The following CDH18 variants were observed in gnomAD, a reference collection of about 807,000 sequenced individuals.
The protein encoded by CDH18 is cadherin-18.
CDH18 carries 31 observed loss-of-function variants against 67.9 expected under a neutral mutation model. That is an observed-to-expected ratio of 0.46 (90% CI 0.34 to 0.62). CDH18 has a LOEUF of 0.62. Among genes scored for constraint, CDH18 ranks in the 20% least tolerant of loss-of-function variants. CDH18 has a pLI of 0.01. For missense variants in CDH18, 890 were observed against 975.5 expected (o/e 0.91, Z 1.17); for synonymous variants, 362 against 347.2 (o/e 1.04, Z -0.48).
intron 2 of CDH18, among the ~76,000 whole-genome samples, chr5:20,202,590 A>G (rs778247721): frequency 1.3e-5 from 2 of 152,094 alleles, no homozygotes; most frequent in Non-Finnish European, 2.9e-5. Flanking sequence ...GAGAAATAAC[A>G]TGTTGCCCAA....
Position 19,473,410 on chromosome 5 carries a change from G to A in CDH18, c.2189C>T (p.Pro730Leu), listed in dbSNP as rs773516015. ...ATAAGTCTGAAGAGAGTCATAAGGG[G>A]GAACGCTAGGGTCTAGGTCTGCTTC... ...LAEADLDPSV[P>L]PYDSLQTYAY... is the part of the protein sequence containing the mutation. Residue 730 changes from proline to leucine, a missense_variant, in exon 13 of 13, where the codon CCC becomes CTC. Physicochemically the swap from Pro to Leu is moderately conservative, Grantham distance 98. Coordinates refer to ENST00000382275, the MANE Select transcript of CDH18 (RefSeq NM_004934.5). 28 of 1,613,594 alleles carry A rather than the reference G, an allele frequency of 1.7e-5. No homozygotes were observed. Among genetic ancestry groups the A allele is most frequent in the Middle Eastern group, 1.6e-4 (1 of 6,084 alleles).
At chr5:19,479,889 A>C (rs539364142) in intron 12 of CDH18, among the ~76,000 whole-genome samples, 1 of 152,312 alleles carries the variant, frequency 6.6e-6, no homozygotes, top group East Asian at 1.9e-4. Flanking sequence ...GGATATAATA[A>C]AATTTACAAA....
rs201920688 is a variant in CDH18, at chr5:19,849,640, G to A, written c.-256-10398C>T. ...TATATATATAAACATATATATACACGCATATATATATAAACATATATATAT... is the reference window on the plus strand; with the variant it reads ...TATATATATAAACATATATATACACACATATATATATAAACATATATATAT... On this transcript the variant is annotated intron_variant, in intron 2 of 12. Transcript: ENST00000382275. Among the ~76,000 whole-genome samples the A allele has an allele frequency of 3.2e-3, 69 of 21,810 alleles. 1 individual carries two copies. Among genetic ancestry groups the A allele is most frequent in the South Asian group, 4.9e-3 (2 of 406 alleles). The allele number at this position is 21,810 out of a possible 152,430, so 14.3% of individuals were successfully genotyped here. A position where few individuals can be genotyped will look rare whatever the true frequency, so the allele number is the denominator to read the frequency against.
At chr5:20,546,743 A>C (rs945681813) in intron 1 of CDH18, among the ~76,000 whole-genome samples, 1 of 109,102 alleles carries the variant, frequency 9.2e-6, no homozygotes, top group Non-Finnish European at 1.9e-5. Flanking sequence ...TATCACATAC[A>C]TACATAGACA....
intron 2 of CDH18, among the ~76,000 whole-genome samples, chr5:19,974,009 T>C (rs149626323): frequency 6.6e-6 from 1 of 152,238 alleles, no homozygotes; most frequent in East Asian, 1.9e-4. Flanking sequence ...CCAAATGAAA[T>C]AAATCATTAT....
At chr5:19,847,253 CT>C (rs1240044408) in intron 2 of CDH18, among the ~76,000 whole-genome samples, 3 of 152,012 alleles carry the variant, frequency 2.0e-5, no homozygotes, top group South Asian at 2.1e-4. Flanking sequence ...TTATTGGAAT[CT>C]CACAATGTGC....
At chr5:19,997,235 C>G (rs2150395814) in intron 2 of CDH18, among the ~76,000 whole-genome samples, 1 of 152,096 alleles carries the variant, frequency 6.6e-6, no homozygotes, top group South Asian at 2.1e-4. Flanking sequence ...TCTCTAGAGA[C>G]CTATGCATCA....
At chr5:20,376,339 C>T (rs78724137) in intron 1 of CDH18, among the ~76,000 whole-genome samples, 22,253 of 151,026 alleles carry the variant, frequency 0.15, 2,025 homozygotes, top group East Asian at 0.27. Context: ...CTGCCCGCCT[C>T]GGCTTCCCAA....
intron 4 of CDH18, among the ~76,000 whole-genome samples, chr5:19,727,808 G>A (rs1767045795): frequency 6.6e-6 from 1 of 152,124 alleles, no homozygotes. Flanking sequence ...GTTACAAGTA[G>A]ATTACAGTAA....
chr5:20,480,119 C>T (rs986830866), intron 1 of CDH18, among the ~76,000 whole-genome samples: 25 of 152,162 alleles, frequency 1.6e-4, no homozygotes, highest in South Asian at 6.2e-4. Context: ...GAGATCTGTG[C>T]TATAAGAAAT....
chr5:19,591,652 T>C (rs369263573), intron 6 of CDH18, among the ~76,000 whole-genome samples: 1 of 151,988 alleles, frequency 6.6e-6, no homozygotes, highest in Non-Finnish European at 1.5e-5. Context: ...ACAAAAAGTA[T>C]GGAAATATGG....
chr5:19,722,030 T>C lies in CDH18; in HGVS notation c.524-564A>G, dbSNP rs372592002. On this transcript the variant is annotated intron_variant, in intron 4 of 12. Transcript: ENST00000382275. ...TTAATGAGTCACATAACTGGTCTCC[T>C]TTTTTTGTCCATTTGTTTTTGTTTG... 2.0e-5 allele frequency among the ~76,000 whole-genome samples: 3 copies of C among 152,210 alleles called. No individual in the cohort carries two copies. The South Asian group carries it at 6.2e-4, about 32-fold the overall frequency.
At chr5:20,475,902 T>C (rs1752407347) in intron 1 of CDH18, among the ~76,000 whole-genome samples, 1 of 152,184 alleles carries the variant, frequency 6.6e-6, no homozygotes, top group African/African-American at 2.4e-5. Context: ...AGACCAGGTA[T>C]ACCACTTGGA....
At chr5:19,829,947 C>T (rs943601075) in intron 3 of CDH18, among the ~76,000 whole-genome samples, 6 of 152,070 alleles carry the variant, frequency 3.9e-5, no homozygotes, top group Admixed American at 2.0e-4. Context: ...GGAAAAGGCT[C>T]GCTATTCAAT....
chr5:20,146,950 T>C lies in CDH18; in HGVS notation c.-518+108494A>G, dbSNP rs144337451. ...TTTTCTTGACCTCTTTGAGGAAAAA[T>C]TGCAAATTAAAAACAATTGTTTATT... is the stretch of plus-strand genomic sequence containing the variant. On this transcript the variant is annotated intron_variant, in intron 2 of 14. Transcript: ENST00000507958. Among the ~76,000 whole-genome samples the C allele has an allele frequency of 6.2e-4, 95 of 152,178 alleles. No homozygotes were observed. The South Asian group carries it at 0.017, about 27-fold the overall frequency.
intron 2 of CDH18, among the ~76,000 whole-genome samples, chr5:20,191,486 T>C (rs987968643): frequency 3.3e-5 from 5 of 152,212 alleles, no homozygotes; most frequent in Admixed American, 3.3e-4. Context: ...CTGCACCTAT[T>C]GAACTATCCT....
intron 2 of CDH18, among the ~76,000 whole-genome samples, chr5:20,201,132 T>A (rs1393178415): frequency 2.0e-5 from 3 of 151,926 alleles, no homozygotes; most frequent in Non-Finnish European, 2.9e-5. Flanking sequence ...GAAATTTCCT[T>A]GCCTATTGTA....
chr5:20,471,530 G>A (rs574988410), intron 1 of CDH18, among the ~76,000 whole-genome samples: 5 of 152,080 alleles, frequency 3.3e-5, no homozygotes, highest in Admixed American at 1.3e-4. Flanking sequence ...GGCAGGGCAC[G>A]GTGGCTCACA....
intron 1 of CDH18, among the ~76,000 whole-genome samples, chr5:20,562,060 A>G (rs1758250044): frequency 6.6e-6 from 1 of 151,942 alleles, no homozygotes; most frequent in Non-Finnish European, 1.5e-5. Context: ...TACAATAAAA[A>G]TTTAGAGAAG....
Sources: allele counts gnomAD v4.1 joint callset (sites outside exome capture counted in the v4.1 genomes callset), GRCh38; gene constraint gnomAD v4.1.1; transcripts MANE v1.5; gene names NCBI Gene and HGNC (gene_info 2026-07-23, HGNC 2026-07-21).